Variants in COL19A1 observed in about 807,000 individuals in gnomAD.
COL19A1 encodes collagen alpha-1(XIX) chain.
Under a neutral mutation model 190.2 loss-of-function variants are expected in COL19A1, and 159 were observed. The observed-to-expected ratio is 0.84, with a 90% CI of 0.73 to 0.95. The LOEUF (loss-of-function observed/expected upper bound fraction) is 0.95. Ranked by LOEUF, COL19A1 falls within the 40% of genes least tolerant of loss-of-function variation. The pLI is 0.00. For missense variants in COL19A1, 1,418 were observed against 1,431.9 expected (o/e 0.99, Z 0.16); for synonymous variants, 509 against 458.9 (o/e 1.11, Z -1.39).
intron 17 of COL19A1, among the ~76,000 whole-genome samples, chr6:70,124,891 G>A (rs1435770134): frequency 1.3e-5 from 2 of 152,048 alleles, no homozygotes; most frequent in East Asian, 3.9e-4. Flanking sequence ...AGTAGTTAGA[G>A]CCCTTACACC....
At chr6:70,010,018 T>C (rs989751046) in intron 11 of COL19A1, among the ~76,000 whole-genome samples, 1 of 152,174 alleles carries the variant, frequency 6.6e-6, no homozygotes, top group Non-Finnish European at 1.5e-5. Flanking sequence ...ATAAATACTT[T>C]GTGACTTTAG....
At chr6:69,985,769 A>G (rs1473607271) in intron 11 of COL19A1, among the ~76,000 whole-genome samples, 1 of 152,184 alleles carries the variant, frequency 6.6e-6, no homozygotes, top group African/African-American at 2.4e-5. Context: ...TTAAAAATGC[A>G]TATTATTAAT....
chr6:70,098,404 T>C (rs116173403), intron 15 of COL19A1: 619 of 512,294 alleles, frequency 1.2e-3, no homozygotes, highest in African/African-American at 0.011. Flanking sequence ...ATAAACTGGA[T>C]GCTACAACAG....
chr6:70,173,981 G>C (rs771525896), intron 41 of COL19A1, among the ~76,000 whole-genome samples: 2 of 152,136 alleles, frequency 1.3e-5, no homozygotes, highest in African/African-American at 2.4e-5. Context: ...TATGTGGAGG[G>C]TTTGGCTTCA....
In COL19A1 at chr6:70,156,366, A is replaced by G. The variant is rs778563394; in HGVS notation, c.2235A>G (p.Pro745=). The change falls in exon 33 of 51, where the codon CCA becomes CCG. Residue 745 remains proline (P), a synonymous_variant. Transcript: ENST00000620364. ...CAGGAATCCCAGGAAGAGAGGGACC[A>G]AAGGTAAGAAATTCTCTCCTCCACT... is the stretch of plus-strand genomic sequence containing the variant. ...GPPGIPGREG[P]KGSKGERGYP... is the part of the protein sequence containing the mutation. 6.2e-7 allele frequency: 1 copy of G among 1,613,264 alleles called. No individual in the cohort carries two copies. The highest frequency in any genetic ancestry group is 8.5e-7 in the Non-Finnish European group (1 of 1,179,522).
chr6:70,203,008 G>C (rs1366760821), intron 49 of COL19A1, among the ~76,000 whole-genome samples: 2 of 152,132 alleles, frequency 1.3e-5, no homozygotes, highest in Non-Finnish European at 2.9e-5. Flanking sequence ...CTCATGGCTG[G>C]TTCTCCCGGG....
chr6:69,994,015 T>A (rs1464755230), intron 11 of COL19A1, among the ~76,000 whole-genome samples: 1 of 152,082 alleles, frequency 6.6e-6, no homozygotes, highest in Non-Finnish European at 1.5e-5. Flanking sequence ...GGACTGCTCT[T>A]GTTTTTCAAG....
chr6:69,892,884 T>G (rs1246738612), intron 2 of COL19A1, among the ~76,000 whole-genome samples: 1 of 152,208 alleles, frequency 6.6e-6, no homozygotes, highest in African/African-American at 2.4e-5. Context: ...AATTGTGTCC[T>G]GCCACAAAAG....
At chr6:70,079,035 C>G (rs1277054659) in intron 15 of COL19A1, among the ~76,000 whole-genome samples, 1 of 152,108 alleles carries the variant, frequency 6.6e-6, no homozygotes, top group Non-Finnish European at 1.5e-5. Flanking sequence ...TCACTGCACT[C>G]CAGTGTGGGC....
In COL19A1 at chr6:70,180,270, G is replaced by A. The variant is rs1766088182; in HGVS notation, c.2668-42G>A. 2.5e-6 allele frequency: 4 copies of A among 1,612,856 alleles called. No individual in the cohort carries two copies. In the East Asian group the frequency reaches 8.9e-5, roughly 36 times the overall value. On this transcript the variant is annotated intron_variant, in intron 42 of 50. Transcript: ENST00000620364. Reference sequence around the variant, plus strand: ...GAAGAGAAGCATATGGTGTCGTTCAGCAATTTGGCTCCTAACATTTCTCTT... The same window carrying A: ...GAAGAGAAGCATATGGTGTCGTTCAACAATTTGGCTCCTAACATTTCTCTT...
intron 15 of COL19A1, among the ~76,000 whole-genome samples, chr6:70,087,157 A>G (rs1782637256): frequency 1.3e-5 from 2 of 152,184 alleles, no homozygotes; most frequent in Admixed American, 1.3e-4. Flanking sequence ...TCACAGGAAA[A>G]GTTTAGTAAC....
chr6:70,192,250 G>A (rs577392386), intron 48 of COL19A1, among the ~76,000 whole-genome samples: 85 of 152,126 alleles, frequency 5.6e-4, no homozygotes, highest in Non-Finnish European at 9.0e-4. Flanking sequence ...TAGTAGAGAC[G>A]GGGTTTCACC....
chr6:70,137,030 T>G (rs1785914308), intron 18 of COL19A1, among the ~76,000 whole-genome samples: 2 of 151,756 alleles, frequency 1.3e-5, no homozygotes, highest in Non-Finnish European at 2.9e-5. Context: ...TATAACTCCT[T>G]TCTTAAGTAT....
At chr6:69,983,021 T>TAAAA (rs397951373) in intron 11 of COL19A1, among the ~76,000 whole-genome samples, 5 of 148,108 alleles carry the variant, frequency 3.4e-5, no homozygotes, top group South Asian at 2.1e-4. Context: ...AATAAATAAA[T>TAAAA]ATAAAATAAA....
intron 42 of COL19A1, among the ~76,000 whole-genome samples, chr6:70,179,350 C>A (rs922660062): frequency 6.6e-6 from 1 of 152,134 alleles, no homozygotes; most frequent in East Asian, 1.9e-4. Context: ...CACATTAGAC[C>A]AAGGGACAGG....
At chr6:69,930,649 T>C (rs1772697891) in intron 6 of COL19A1, among the ~76,000 whole-genome samples, 1 of 151,956 alleles carries the variant, frequency 6.6e-6, no homozygotes, top group Non-Finnish European at 1.5e-5. Context: ...AAACCCTGTC[T>C]CTACTAAAAA....
intron 11 of COL19A1, among the ~76,000 whole-genome samples, chr6:70,007,709 G>A (rs899455373): frequency 6.6e-6 from 1 of 151,870 alleles, no homozygotes; most frequent in Non-Finnish European, 1.5e-5. Context: ...ACTTGAATAA[G>A]CCTACAGTAC....
intron 8 of COL19A1, among the ~76,000 whole-genome samples, chr6:69,937,160 G>A (rs1228408259): frequency 6.6e-6 from 1 of 152,128 alleles, no homozygotes; most frequent in Non-Finnish European, 1.5e-5. Context: ...AGTGAAGGGA[G>A]GAACTACCTG....
intron 11 of COL19A1, among the ~76,000 whole-genome samples, chr6:70,002,598 A>G (rs1490673948): frequency 6.7e-6 from 1 of 149,752 alleles, no homozygotes; most frequent in Non-Finnish European, 1.5e-5. Context: ...TGTTTTTTAA[A>G]ATATATTTAT....
Sources: gnomAD v4.1 joint callset for allele counts (sites outside exome capture counted in the v4.1 genomes callset) on GRCh38, gnomAD v4.1.1 for gene constraint, MANE v1.5 for transcripts, NCBI Gene and HGNC (gene_info 2026-07-23, HGNC 2026-07-21) for gene names.